Variants in WFDC1 observed in about 807,000 individuals in gnomAD.
WFDC1 encodes the protein WAP four-disulfide core domain 1.
WFDC1 carries 39 observed loss-of-function variants against 32.9 expected under a neutral mutation model. That is an observed-to-expected ratio of 1.19 (90% CI 0.92 to 1.55). WFDC1 has a LOEUF of 1.55. WFDC1 is among the 40% of genes most tolerant of loss of function. WFDC1 has a pLI of 0.00. For synonymous variants in WFDC1, 184 were observed against 137.4 expected (o/e 1.34, Z -2.37); for missense variants, 386 against 309.5 (o/e 1.25, Z -1.85).
In WFDC1 at chr16:84,313,001, G is replaced by T; in HGVS notation, c.185G>T (p.Arg62Leu). 2 of 1,264,252 alleles carry T rather than the reference G, an allele frequency of 1.6e-6. No homozygotes were observed. Among genetic ancestry groups the T allele is most frequent in the Non-Finnish European group, 2.0e-6 (2 of 1,006,154 alleles). The allele number at this position is 1,264,252 out of a possible 1,614,324, so 78.3% of individuals were successfully genotyped here. A position where few individuals can be genotyped will look rare whatever the true frequency, so the allele number is the denominator to read the frequency against. The part of the protein sequence containing the change: ...AGAPGGPRQP[R>L]ADRCPPPPRT... ...GCGCCCGGCGGCCCCCGGCAGCCCC[G>T]AGCAGACCGCTGCCCGCCGCCTCCG... The change falls in exon 2 of 7, where the codon CGA becomes CTA. Residue 62 changes from arginine to leucine, a missense_variant. Physicochemically the swap from Arg to Leu is moderately radical, Grantham distance 102. Transcript: ENST00000219454.
chr16:84,326,821 C>T (rs951599193), intron 5 of WFDC1, 61 bp from the exon 6 acceptor site: 11 of 1,602,902 alleles, frequency 6.9e-6, no homozygotes, highest in Middle Eastern at 1.7e-4. Context: ...TGGTGAGCCA[C>T]GGGGGGCATT....
At chr16:84,318,556 A>G (rs551706481) in intron 3 of WFDC1, 153 of 560,708 alleles carry the variant, frequency 2.7e-4, no homozygotes, top group African/African-American at 2.7e-3. Context: ...AGCCCAGTAC[A>G]GAATAAGGGC....
intron 1 of WFDC1, chr16:84,295,684 G>A (rs1487063680): frequency 2.6e-5 from 4 of 153,914 alleles, no homozygotes; most frequent in Non-Finnish European, 4.3e-5. Flanking sequence ...GCAGTACAAA[G>A]AGAAGGCATG....
At chr16:84,317,947 C>G (rs1046354888) in intron 2 of WFDC1, 2 of 287,168 alleles carry the variant, frequency 7.0e-6, no homozygotes, top group Non-Finnish European at 1.4e-5. Context: ...GGCCCCCAGC[C>G]TGCAGGAAGG....
chr16:84,313,597 C>T (rs1342865396), intron 2 of WFDC1, among the ~76,000 whole-genome samples: 2 of 152,222 alleles, frequency 1.3e-5, no homozygotes, highest in Non-Finnish European at 2.9e-5. Context: ...CAGCTGGAAC[C>T]TCAGGTGCCC....
At chr16:84,310,185 A>G (rs1206562713) in intron 1 of WFDC1, among the ~76,000 whole-genome samples, 1 of 147,684 alleles carries the variant, frequency 6.8e-6, no homozygotes, top group Non-Finnish European at 1.5e-5. Flanking sequence ...GTGACAAGGG[A>G]GGGTGGGTGT....
intron 4 of WFDC1, among the ~76,000 whole-genome samples, chr16:84,322,271 G>T (rs1373653195): frequency 1.3e-5 from 2 of 151,806 alleles, no homozygotes; most frequent in African/African-American, 2.4e-5. Context: ...GTTCTCAGGG[G>T]GCTGACACTT....
At chr16:84,305,460 A>G (rs1907195408) in intron 1 of WFDC1, among the ~76,000 whole-genome samples, 1 of 152,186 alleles carries the variant, frequency 6.6e-6, no homozygotes, top group South Asian at 2.1e-4. Context: ...TGATGAGGTT[A>G]TATCCAATCC....
At chr16:84,310,507 T>C (rs3785045) in intron 1 of WFDC1, among the ~76,000 whole-genome samples, 2 of 151,594 alleles carry the variant, frequency 1.3e-5, no homozygotes, top group African/African-American at 2.4e-5. Context: ...AATGTGTACA[T>C]GGTAAAAAGA....
intron 1 of WFDC1, among the ~76,000 whole-genome samples, chr16:84,297,862 G>A (rs1385315573): frequency 1.3e-5 from 2 of 152,040 alleles, no homozygotes; most frequent in African/African-American, 2.4e-5. Flanking sequence ...CCTTTCGTTC[G>A]ACAGGGACTT....
At position 84,313,151 on chromosome 16, in the gene WFDC1, C is replaced by A; in HGVS notation, c.335C>A (p.Pro112Gln). Residue 112 changes from proline (P) to glutamine (Q), a missense_variant and splice_region_variant, in exon 2 of 7, where the codon CCA becomes CAA. Physicochemically the swap from Pro to Gln is moderately conservative, Grantham distance 76. Transcript: ENST00000219454. ...YACLEAVPPP[P>Q]VLDWLVQPKP... is the part of the protein sequence containing the mutation. Reference sequence around the variant, plus strand: ...TGCCTAGAAGCTGTGCCGCCCCCGCCAGGTAGGTCCTGGGCCCGAGGGAGG... The same window carrying A: ...TGCCTAGAAGCTGTGCCGCCCCCGCAAGGTAGGTCCTGGGCCCGAGGGAGG... The A allele has an allele frequency of 2.1e-6, 3 of 1,428,418 alleles. No individual in the cohort carries two copies. The highest frequency in any genetic ancestry group is 2.7e-6 in the Non-Finnish European group (3 of 1,099,122). The allele number at this position is 1,428,418 out of a possible 1,614,324, so 88.5% of individuals were successfully genotyped here. A position where few individuals can be genotyped will look rare whatever the true frequency, so the allele number is the denominator to read the frequency against.
At chr16:84,323,097 C>G (rs1406412509) in intron 4 of WFDC1, among the ~76,000 whole-genome samples, 1 of 152,128 alleles carries the variant, frequency 6.6e-6, no homozygotes, top group Non-Finnish European at 1.5e-5. Flanking sequence ...GGGGAGCTCC[C>G]CCAGCCTACA....
chr16:84,328,358 C>G (rs1342851481), intron 6 of WFDC1: 1 of 152,192 alleles, frequency 6.6e-6, no homozygotes, highest in African/African-American at 2.4e-5. Flanking sequence ...GAAAATCTAC[C>G]CAGCCCCTGT....
At chr16:84,312,636 C>T (rs1465951080) in intron 1 of WFDC1, among the ~76,000 whole-genome samples, 1 of 151,826 alleles carries the variant, frequency 6.6e-6, no homozygotes. Flanking sequence ...ACATATATAC[C>T]ACATATATTA....
Position 84,319,465 on chromosome 16 carries a change from A to G in WFDC1, c.456A>G (p.Glu152=). The G allele has an allele frequency of 1.2e-6, 2 of 1,611,946 alleles. No individual in the cohort carries two copies. The highest frequency in any genetic ancestry group is 1.7e-6 in the Non-Finnish European group (2 of 1,179,912). Residue 152 remains glutamate (E), a synonymous_variant, in exon 4 of 7, where the codon GAA becomes GAG. Transcript: ENST00000219454. ...GCAGCACCACGGAGGATGGGGCCGA[A>G]CCCCTGCTCTGTCCCTCGGGCTATG... ...EACSTTEDGA[E]PLLCPSGYEC... is the part of the protein sequence containing the mutation.
chr16:84,311,665 A>C (rs796670778), intron 1 of WFDC1, among the ~76,000 whole-genome samples: 12 of 140,648 alleles, frequency 8.5e-5, no homozygotes, highest in African/African-American at 3.2e-4. Flanking sequence ...AGTACCTGGG[A>C]CTACAGGAGA....
At chr16:84,301,872 C>T (rs1471091839) in intron 1 of WFDC1, among the ~76,000 whole-genome samples, 1 of 152,156 alleles carries the variant, frequency 6.6e-6, no homozygotes, top group Non-Finnish European at 1.5e-5. Context: ...TGGAAATCAA[C>T]GAGTAAAGAA....
chr16:84,316,358 TATAAAG>T (rs1409120087), intron 2 of WFDC1: 2 of 152,382 alleles, frequency 1.3e-5, no homozygotes, highest in East Asian at 3.9e-4. Flanking sequence ...CTATTCTCTT[TATAAAG>T]ATAAATATTA....
Position 84,318,281 on chromosome 16 carries a change from G to A in WFDC1, c.347G>A (p.Trp116Ter), listed in dbSNP as rs770748463. Reference sequence around the variant, plus strand: ...CCCCGTATTGTGTTAGTCTTAGACTGGCTGGTGCAGCCGAAACCTCGATGG... The same window carrying A: ...CCCCGTATTGTGTTAGTCTTAGACTAGCTGGTGCAGCCGAAACCTCGATGG... ...EAVPPPPVLD[W>*]LVQPKPRWLG... Residue 116 changes from tryptophan to a stop codon, truncating the protein, a stop_gained, in exon 3 of 7, where the codon TGG (tryptophan) becomes TAG (stop). Transcript: ENST00000219454. LOFTEE classifies it high-confidence loss of function. 1.9e-6 allele frequency: 3 copies of A among 1,614,042 alleles called. No individual in the cohort carries two copies. In the African/African-American group the frequency reaches 4.0e-5, roughly 22 times the overall value.
Sources: gnomAD v4.1 joint callset for allele counts (sites outside exome capture counted in the v4.1 genomes callset) on GRCh38, gnomAD v4.1.1 for gene constraint, MANE v1.5 for transcripts, NCBI Gene and HGNC (gene_info 2026-07-23, HGNC 2026-07-21) for gene names.